The following AHNAK variants were observed in gnomAD, a reference collection of about 807,000 sequenced individuals.
The protein encoded by AHNAK is AHNAK nucleoprotein.
Under a neutral mutation model 37.8 loss-of-function variants are expected in AHNAK, and 23 were observed. The ratio of observed to expected loss-of-function variants is 0.61; its 90% CI spans 0.44 to 0.86. The LOEUF (loss-of-function observed/expected upper bound fraction) is 0.86, where lower values mean the gene tolerates loss of function less well. Among genes scored for constraint, AHNAK ranks in the 40% least tolerant of loss-of-function variants. The pLI is 0.00. For missense variants in AHNAK, 7,411 were observed against 7,319.4 expected (o/e 1.01, Z -0.46); for synonymous variants, 2,481 against 2,636.3 (o/e 0.94, Z 1.80).
chr11:62,495,498 C>G lies in AHNAK; in HGVS notation c.343-3667G>C, dbSNP rs368746759. On this transcript the variant is annotated intron_variant, in intron 4 of 5. Transcript: ENST00000257247. ...CTATAATCCCAGCACTTTGGGAGGC[C>G]GAGGCAGGCAGATTACGAGGTCAGG... 3.5e-3 allele frequency among the ~76,000 whole-genome samples: 535 copies of G among 151,716 alleles called. 2 individuals carry two copies. The highest frequency in any genetic ancestry group is 0.012 in the African/African-American group (511 of 41,306).
rs71056521 is a variant in AHNAK at position 62,461,143 on chromosome 11, C to CTTTTT, written c.443-27257_443-27253dup. Among the ~76,000 whole-genome samples, 52 of 79,828 alleles carry CTTTTT rather than the reference C, an allele frequency of 6.5e-4. 1 individual carries two copies. The highest frequency in any genetic ancestry group is 1.3e-3 in the East Asian group (3 of 2,342). 52.4% of individuals were successfully genotyped at this position (79,828 alleles called of 152,430 possible). ...GGCCACCACGCCCGGCCAAATTCCC[C>CTTTTT]TTTTTTTTTTTTTTTTTTTTTGAGA... is the stretch of plus-strand genomic sequence containing the variant. On this transcript the variant is annotated intron_variant, in intron 5 of 5. Transcript: ENST00000257247.
In AHNAK at chr11:62,528,470, G is replaced by A; in HGVS notation, c.5947C>T (p.His1983Tyr). 6.2e-7 allele frequency: 1 copy of A among 1,613,434 alleles called. No homozygotes were observed. The highest frequency in any genetic ancestry group is 8.5e-7 in the Non-Finnish European group (1 of 1,179,898). ...KGPKFKMPEMHFKTPKISMPD... is the reference protein window; with the variant it reads ...KGPKFKMPEMYFKTPKISMPD... ...ATGGAGATCTTGGGGGTCTTGAAGT[G>A]CATCTCAGGCATCTTAAACTTGGGC... The change falls in exon 5 of 5, where the codon CAC becomes TAC. Residue 1983 changes from histidine to tyrosine, a missense_variant. Transcript: ENST00000378024.
Position 62,528,717 on chromosome 11 carries a change from A to G in AHNAK, c.5700T>C (p.Cys1900=). ...TAGGGCCTTTCAACTTTGCATCAGGACACTCCAGCTCAACATCAGGCACCT... is the reference window on the plus strand; with the variant it reads ...TAGGGCCTTTCAACTTTGCATCAGGGCACTCCAGCTCAACATCAGGCACCT... ...GVEVPDVELE[C]PDAKLKGPKF... Residue 1900 remains cysteine, a synonymous_variant, in exon 5 of 5, where the codon TGT becomes TGC. Coordinates refer to ENST00000378024, the MANE Select transcript of AHNAK (RefSeq NM_001620.3). The G allele has an allele frequency of 6.2e-7, 1 of 1,609,774 alleles. No individual in the cohort carries two copies. Among genetic ancestry groups the G allele is most frequent in the Non-Finnish European group, 8.5e-7 (1 of 1,179,208 alleles).
chr11:62,535,113 C>T lies in AHNAK; in HGVS notation c.232G>A (p.Gly78Arg), dbSNP rs1211032696. 1.2e-5 allele frequency: 19 copies of T among 1,613,834 alleles called. No individual in the cohort carries two copies. Among genetic ancestry groups the T allele is most frequent in the Non-Finnish European group, 1.6e-5 (19 of 1,179,892 alleles). The part of the protein sequence containing the change: ...GEVTQLLNTM[G>R]HHTVGLKLHR... The stretch of plus-strand genomic sequence containing the variant: ...AGCTTCAGGCCCACCGTGTGGTGCC[C>T]CATGGTGTTCAGCAGCTGGGTCACC... The change falls in exon 4 of 5, where the codon GGG becomes AGG. Residue 78 changes from glycine (G) to arginine (R), a missense_variant. By Grantham distance (125) the Gly-to-Arg change is moderately radical. Transcript: ENST00000378024.
At position 62,518,315 on chromosome 11, in the gene AHNAK, G is replaced by T. The variant is rs1335594518; in HGVS notation, c.16102C>A (p.Pro5368Thr). 6.2e-7 allele frequency: 1 copy of T among 1,613,988 alleles called. No homozygotes were observed. Among genetic ancestry groups the T allele is most frequent in the Non-Finnish European group, 8.5e-7 (1 of 1,180,022 alleles). Residue 5368 changes from proline (P) to threonine (T), a missense_variant, in exon 5 of 5, where the codon CCA becomes ACA. Coordinates refer to ENST00000378024, the MANE Select transcript of AHNAK (RefSeq NM_001620.3). ...ACAGCCAGATCTCCCTGCAGGCTTG[G>T]TCCCCTCAGTGTCACATCTGGTGCC... ...VGAPDVTLRG[P>T]SLQGDLAVSG...
rs144383627 is a variant in AHNAK at position 62,507,088 on chromosome 11, C to G, written c.343-15257G>C. ...CCTTCTGCCTGGAATTCCCTCCCCC[C>G]ACTCCTCTCCAAACCTTGAAATAGT... is the stretch of plus-strand genomic sequence containing the variant. On this transcript the variant is annotated intron_variant, in intron 4 of 5. Coordinates refer to the AHNAK transcript ENST00000257247. Among the ~76,000 whole-genome samples the G allele has an allele frequency of 1.6e-4, 25 of 152,128 alleles. No individual in the cohort carries two copies. In the East Asian group the frequency reaches 3.3e-3, roughly 20 times the overall value.
Position 62,523,330 on chromosome 11 carries a change from A to G in AHNAK, c.11087T>C (p.Val3696Ala), listed in dbSNP as rs768334708. 5 of 1,612,972 alleles carry G rather than the reference A, an allele frequency of 3.1e-6. No individual in the cohort carries two copies. Among genetic ancestry groups the G allele is most frequent in the East Asian group, 4.5e-5 (2 of 44,862 alleles). ...CTCAGGGCCTTTTAGATCACCTTCC[A>G]CTTTGGGCAAAGACACAACCACATC... is the stretch of plus-strand genomic sequence containing the variant. ...KGDVVVSLPK[V>A]EGDLKGPEVD... Residue 3696 changes from valine to alanine, a missense_variant, in exon 5 of 5, where the codon GTG becomes GCG. Physicochemically the swap from Val to Ala is moderately conservative, Grantham distance 64. Coordinates refer to ENST00000378024, the MANE Select transcript of AHNAK (RefSeq NM_001620.3).
intron 4 of AHNAK, among the ~76,000 whole-genome samples, chr11:62,505,471 C>T (rs1189746721): frequency 6.6e-6 from 1 of 152,028 alleles, no homozygotes; most frequent in Non-Finnish European, 1.5e-5. Context: ...CTGGTTGGAG[C>T]AAGGGACCTT....
intron 5 of AHNAK, among the ~76,000 whole-genome samples, chr11:62,464,064 G>T (rs961097261): frequency 6.7e-6 from 1 of 148,960 alleles, no homozygotes; most frequent in Non-Finnish European, 1.5e-5. Context: ...TACCGTGCCC[G>T]ATGAGTTTTT....
At chr11:62,504,349 C>T (rs1303156778) in intron 4 of AHNAK, among the ~76,000 whole-genome samples, 1 of 152,012 alleles carries the variant, frequency 6.6e-6, no homozygotes, top group African/African-American at 2.4e-5. Flanking sequence ...GAGCTTATCC[C>T]ACCTGGGGCT....
chr11:62,491,696 G>A (rs566088429), intron 5 of AHNAK: 3 of 1,548,128 alleles, frequency 1.9e-6, no homozygotes, highest in Non-Finnish European at 1.8e-6. Flanking sequence ...TCATAATCAA[G>A]GTCATCCGTC....
chr11:62,443,568 G>T (rs540269882), intron 5 of AHNAK, among the ~76,000 whole-genome samples: 3 of 152,226 alleles, frequency 2.0e-5, no homozygotes, highest in East Asian at 3.9e-4. Flanking sequence ...CACCGCGCCC[G>T]GCTGGGTCTT....
rs1268289836 is a variant in AHNAK at position 62,523,132 on chromosome 11, T to C, written c.11285A>G (p.Asp3762Gly). 2 of 1,614,124 alleles carry C rather than the reference T, an allele frequency of 1.2e-6. No individual in the cohort carries two copies. Among genetic ancestry groups the C allele is most frequent in the East Asian group, 2.2e-5 (1 of 44,890 alleles). Residue 3762 changes from aspartate to glycine, a missense_variant, in exon 5 of 5, where the codon GAT becomes GGT. Physicochemically the swap from Asp to Gly is moderately conservative, Grantham distance 94 (BLOSUM62 -1). Transcript: ENST00000378024. ...CATTTTGGGCAGAGAAACATCCACA[T>C]CGCCCTTGACTTTGGGGCCCTTCAG... ...LNLKGPKVKG[D>G]VDVSLPKMEG...
At chr11:62,447,958 G>A (rs1187546687) in intron 5 of AHNAK, among the ~76,000 whole-genome samples, 1 of 152,134 alleles carries the variant, frequency 6.6e-6, no homozygotes, top group Admixed American at 6.5e-5. Flanking sequence ...TAAAGAGGAT[G>A]CTGAGAGGGC....
In AHNAK at chr11:62,530,934, C is replaced by G; in HGVS notation, c.3483G>C (p.Lys1161Asn). ...TCACATCTGGGGCTTCGATGTCCAC[C>G]TTGGGTCCTGAGACAACAACGTCAG... ...PKADVVVSGP[K>N]VDIEAPDVSL... Residue 1161 changes from lysine to asparagine, a missense_variant, in exon 5 of 5, where the codon AAG (lysine) becomes AAC (asparagine). Transcript: ENST00000378024. 6.2e-7 allele frequency: 1 copy of G among 1,613,650 alleles called. No individual in the cohort carries two copies.
intron 4 of AHNAK, among the ~76,000 whole-genome samples, chr11:62,491,991 T>C (rs1024161783): frequency 2.6e-5 from 4 of 152,076 alleles, no homozygotes; most frequent in Non-Finnish European, 5.9e-5. Context: ...CACCATTGCC[T>C]GGAATCTCTA....
At chr11:62,490,810 A>G (rs1419355221) in intron 5 of AHNAK, among the ~76,000 whole-genome samples, 1 of 143,896 alleles carries the variant, frequency 6.9e-6, no homozygotes, top group African/African-American at 3.0e-5. Flanking sequence ...TTTGGGACGG[A>G]ATATCACTCT....
intron 5 of AHNAK, among the ~76,000 whole-genome samples, chr11:62,448,258 T>C (rs1555018758): frequency 6.6e-6 from 1 of 152,182 alleles, no homozygotes; most frequent in Non-Finnish European, 1.5e-5. Flanking sequence ...GTTGTTATGC[T>C]GAGTGTGGCT....
At position 62,532,955 on chromosome 11, in the gene AHNAK, C is replaced by T. The variant is rs750910087; in HGVS notation, c.1462G>A (p.Val488Met). The T allele has an allele frequency of 1.9e-6, 3 of 1,614,002 alleles. No individual in the cohort carries two copies. The highest frequency in any genetic ancestry group is 3.3e-4 in the Middle Eastern group (2 of 6,084). Residue 488 changes from valine to methionine, a missense_variant, in exon 5 of 5, where the codon GTG becomes ATG. By Grantham distance (21) the Val-to-Met change is conservative (BLOSUM62 1). Transcript: ENST00000378024. The stretch of plus-strand genomic sequence containing the variant: ...TGAATAATCATTTCAGGAGTCTTCA[C>T]TTTAGTACCTTTCATCTTTCCTTCC... ...GLEGKMKGTK[V>M]KTPEMIIQKP...
Sources: allele counts gnomAD v4.1 joint callset (sites outside exome capture counted in the v4.1 genomes callset), GRCh38; gene constraint gnomAD v4.1.1; transcripts MANE v1.5; gene names NCBI Gene and HGNC (gene_info 2026-07-23, HGNC 2026-07-21).